Variants in LRFN5 observed in about 807,000 individuals in gnomAD.
LRFN5 encodes leucine-rich repeat and fibronectin type-III domain-containing protein 5.
In LRFN5, 24 loss-of-function variants were observed where a neutral mutation model predicts 45.6. That is an observed-to-expected ratio of 0.53 (90% confidence interval 0.38 to 0.74). The LOEUF is 0.74. LRFN5 is among the 30% of genes least tolerant of loss of function. The pLI is 0.00. For synonymous variants in LRFN5, 340 were observed against 313.8 expected, an observed-to-expected ratio of 1.08 and a Z score of -0.88; for missense variants, 776 against 861.5, an observed-to-expected ratio of 0.90 and a Z score of 1.24.
At chr14:41,639,819 A>G (rs919278620) in intron 1 of LRFN5, among the ~76,000 whole-genome samples, 44 of 151,802 alleles carry the variant, frequency 2.9e-4, no homozygotes, top group African/African-American at 1.0e-3. Flanking sequence ...GTCTTGCTTC[A>G]TTTCCCAGGC....
intron 2 of LRFN5, among the ~76,000 whole-genome samples, chr14:41,767,742 A>T (rs1163722882): frequency 1.3e-5 from 2 of 152,218 alleles, no homozygotes; most frequent in Non-Finnish European, 2.9e-5. Flanking sequence ...AAATTTATGT[A>T]TGGGCTTTCT....
At chr14:41,890,615 G>A (rs1403583168) in intron 3 of LRFN5, among the ~76,000 whole-genome samples, 2 of 151,498 alleles carry the variant, frequency 1.3e-5, no homozygotes, top group African/African-American at 4.9e-5. Flanking sequence ...GCTGAGGCAG[G>A]AGAATGGCGT....
chr14:41,713,996 T>A (rs1883386457), intron 1 of LRFN5, among the ~76,000 whole-genome samples: 1 of 152,142 alleles, frequency 6.6e-6, no homozygotes, highest in Admixed American at 6.5e-5. Flanking sequence ...TAAATGGAGT[T>A]GTATTTTAAA....
intron 1 of LRFN5, among the ~76,000 whole-genome samples, chr14:41,651,994 TA>T (rs148430819): frequency 0.049 from 7,485 of 152,158 alleles, 264 homozygotes; most frequent in Non-Finnish European, 0.072. Flanking sequence ...AGATCCATTC[TA>T]GTGACTTCAT....
At chr14:41,776,978 G>T (rs183521102) in intron 2 of LRFN5, among the ~76,000 whole-genome samples, 106 of 151,912 alleles carry the variant, frequency 7.0e-4, no homozygotes, top group East Asian at 4.1e-3. Flanking sequence ...CATTGAATTG[G>T]AATTCTAGCA....
At chr14:41,874,094 G>T (rs1890111033) in intron 2 of LRFN5, among the ~76,000 whole-genome samples, 1 of 152,114 alleles carries the variant, frequency 6.6e-6, no homozygotes. Flanking sequence ...CAGGAAAGAG[G>T]CTGCTATATT....
At chr14:41,884,521 C>T (rs182214802) in intron 2 of LRFN5, among the ~76,000 whole-genome samples, 391 of 152,188 alleles carry the variant, frequency 2.6e-3, no homozygotes, top group African/African-American at 8.9e-3. Flanking sequence ...AAGTGAGATA[C>T]GGGGTTTGAT....
chr14:41,876,404 C>T (rs1262765144), intron 2 of LRFN5, among the ~76,000 whole-genome samples: 1 of 150,530 alleles, frequency 6.6e-6, no homozygotes, highest in East Asian at 2.0e-4. Context: ...CCTCAGCCTC[C>T]CGAGTAGCTG....
At chr14:41,800,115 A>G (rs1887274086) in intron 2 of LRFN5, among the ~76,000 whole-genome samples, 1 of 152,034 alleles carries the variant, frequency 6.6e-6, no homozygotes, top group African/African-American at 2.4e-5. Context: ...GCACTTCCAA[A>G]ATTTGACACC....
At chr14:41,639,969 T>A (rs1278366286) in intron 1 of LRFN5, among the ~76,000 whole-genome samples, 1 of 145,028 alleles carries the variant, frequency 6.9e-6, no homozygotes, top group Non-Finnish European at 1.5e-5. Flanking sequence ...TTTTTTTTTT[T>A]TTTTTTTTTA....
chr14:41,791,116 A>G (rs1248440364), intron 2 of LRFN5, among the ~76,000 whole-genome samples: 2 of 151,900 alleles, frequency 1.3e-5, no homozygotes, highest in Non-Finnish European at 1.5e-5. Flanking sequence ...TAAAAATGTT[A>G]ACATTATTAA....
chr14:41,732,846 A>AAT (rs1468259422), intron 1 of LRFN5, among the ~76,000 whole-genome samples: 1 of 151,988 alleles, frequency 6.6e-6, no homozygotes, highest in Non-Finnish European at 1.5e-5. Context: ...ACGTCAACAC[A>AAT]ATTATATGTG....
chr14:41,793,225 G>A (rs28622334), intron 2 of LRFN5, among the ~76,000 whole-genome samples: 59,361 of 151,450 alleles, frequency 0.39, 11,952 homozygotes, highest in East Asian at 0.69. Flanking sequence ...ATGTTCCTCT[G>A]CCGGGGCTCC....
At chr14:41,615,097 A>G (rs1203668900) in intron 1 of LRFN5, among the ~76,000 whole-genome samples, 1 of 152,120 alleles carries the variant, frequency 6.6e-6, no homozygotes, top group African/African-American at 2.4e-5. Flanking sequence ...TCTGATGGAC[A>G]TGGCATTAGG....
intron 5 of LRFN5, among the ~76,000 whole-genome samples, chr14:41,901,432 T>TTGTGTG (rs3032306): frequency 6.1e-5 from 9 of 147,938 alleles, no homozygotes; most frequent in Non-Finnish European, 1.3e-4. Flanking sequence ...TATGTATGCA[T>TTGTGTG]TGTGTGTGTG....
At chr14:41,644,510 A>G (rs780884870) in intron 1 of LRFN5, among the ~76,000 whole-genome samples, 17 of 152,172 alleles carry the variant, frequency 1.1e-4, no homozygotes, top group Non-Finnish European at 1.9e-4. Flanking sequence ...ATATGCGTCC[A>G]GTTTTGTTAG....
At chr14:41,692,984 A>G (rs1048786961) in intron 1 of LRFN5, among the ~76,000 whole-genome samples, 4 of 152,084 alleles carry the variant, frequency 2.6e-5, no homozygotes, top group Non-Finnish European at 4.4e-5. Flanking sequence ...AATATATGTC[A>G]TATAAATTTT....
intron 2 of LRFN5, among the ~76,000 whole-genome samples, chr14:41,882,645 A>C (rs896101383): frequency 6.6e-6 from 1 of 152,084 alleles, no homozygotes; most frequent in South Asian, 2.1e-4. Flanking sequence ...TATGAGAATG[A>C]CATAGGTGTT....
chr14:41,679,048 GTATTTACACCAGCTC>G (rs1277266417), intron 1 of LRFN5, among the ~76,000 whole-genome samples: 1 of 81,262 alleles, frequency 1.2e-5, no homozygotes, highest in Non-Finnish European at 2.3e-5. Context: ...CATGGAGTGA[GTATTTACACCAGCTC>G]TCTAGCCAGA....
Sources: allele counts gnomAD v4.1 joint callset (sites outside exome capture counted in the v4.1 genomes callset), GRCh38; gene constraint gnomAD v4.1.1; transcripts MANE v1.5; gene names NCBI Gene and HGNC (gene_info 2026-07-23, HGNC 2026-07-21).